Variants in IFRD1 observed in about 807,000 individuals in gnomAD.
IFRD1 encodes the protein interferon-related developmental regulator 1.
Under a neutral mutation model 52.9 loss-of-function variants are expected in IFRD1, and 35 were observed. That is an observed-to-expected ratio of 0.66 (90% CI 0.51 to 0.88). The LOEUF is 0.88. Ranked by LOEUF, IFRD1 falls within the 40% of genes least tolerant of loss-of-function variation. The pLI is 0.00. For synonymous variants in IFRD1, 184 were observed against 188.4 expected (o/e 0.98, Z 0.19); for missense variants, 517 against 550.8 (o/e 0.94, Z 0.61).
chr7:112,462,113 C>G lies in IFRD1; in HGVS notation c.731C>G (p.Ser244Cys), dbSNP rs1346940033. ...STPNTVLHIS[S>C]LLAWTLLLTI... ...CCTAATACAGTGCTTCATATCAGCTCTCTTCTTGCATGGACACTACTGCTG... is the reference window on the plus strand; with the variant it reads ...CCTAATACAGTGCTTCATATCAGCTGTCTTCTTGCATGGACACTACTGCTG... Residue 244 changes from serine to cysteine, a missense_variant, in exon 7 of 12, where the codon TCT (serine) becomes TGT (cysteine). Physicochemically the swap from Ser to Cys is moderately radical, Grantham distance 112 (BLOSUM62 -1). Transcript: ENST00000403825. 6 of 1,613,726 alleles carry G rather than the reference C, an allele frequency of 3.7e-6. No homozygotes were observed. The African/African-American group carries it at 4.0e-5, about 11-fold the overall frequency.
At position 112,472,691 on chromosome 7, in the gene IFRD1, CAG is replaced by C. The variant is rs1181095255; in HGVS notation, c.1171-72_1171-71del. 12 of 941,920 alleles carry C rather than the reference CAG, an allele frequency of 1.3e-5. No individual in the cohort carries two copies. In the Admixed American group the frequency reaches 1.4e-4, roughly 11 times the overall value. 58.3% of individuals were successfully genotyped at this position (941,920 alleles called of 1,614,324 possible). On this transcript the variant is annotated intron_variant, in intron 10 of 11. Transcript: ENST00000403825. ...TGGGTTCCACATAACTTCTGTTAAT[CAG>C]AGTCACTCTGTCTAGTGAAAAAGAG...
At chr7:112,456,814 T>C (rs1795304069) in intron 3 of IFRD1, 100 bp from the exon 4 acceptor site, 1 of 1,122,206 alleles carries the variant, frequency 8.9e-7, no homozygotes, top group Non-Finnish European at 1.3e-6. Flanking sequence ...ATTTAAAAAA[T>C]CTATACATAG....
intron 8 of IFRD1, among the ~76,000 whole-genome samples, chr7:112,463,795 C>CAT (rs1464183223): frequency 6.7e-6 from 1 of 150,108 alleles, no homozygotes; most frequent in Non-Finnish European, 1.5e-5. Context: ...TTTGTATAAA[C>CAT]ATATATATAG....
chr7:112,462,938 G>C (rs943026017), intron 8 of IFRD1, among the ~76,000 whole-genome samples: 6 of 152,148 alleles, frequency 3.9e-5, no homozygotes, highest in African/African-American at 1.4e-4. Context: ...GTGATAGTTT[G>C]ATCAGTCGAC....
At chr7:112,440,768 G>C (rs1285507118) in intron 1 of IFRD1, among the ~76,000 whole-genome samples, 1 of 152,172 alleles carries the variant, frequency 6.6e-6, no homozygotes, top group Non-Finnish European at 1.5e-5. Flanking sequence ...GTGCTAAGGA[G>C]AAACTGTAAA....
At chr7:112,474,893 C>CT (rs1424521552) in intron 11 of IFRD1, among the ~76,000 whole-genome samples, 1 of 151,944 alleles carries the variant, frequency 6.6e-6, no homozygotes. Context: ...TTGAAATCGT[C>CT]TAACTTTCTT....
At chr7:112,460,919 A>G (rs1795418214) in intron 5 of IFRD1, among the ~76,000 whole-genome samples, 2 of 152,280 alleles carry the variant, frequency 1.3e-5, no homozygotes, top group South Asian at 2.1e-4. Context: ...TACAAATTCT[A>G]TTTTTATATG....
chr7:112,458,331 AAAT>A (rs1181689344), intron 4 of IFRD1: 2,614 of 148,244 alleles, frequency 0.018, 69 homozygotes, highest in African/African-American at 0.067. Context: ...AAAAAAAAAA[AAAT>A]AAATAAAGTT....
intron 1 of IFRD1, among the ~76,000 whole-genome samples, chr7:112,429,589 C>T (rs915579529): frequency 6.6e-5 from 10 of 152,186 alleles, no homozygotes; most frequent in African/African-American, 1.9e-4. Context: ...ACAGCTGCTA[C>T]TCTGTGTATG....
intron 1 of IFRD1, chr7:112,435,601 AGC>A (rs1794657108): frequency 4.1e-5 from 3 of 73,284 alleles, no homozygotes. Context: ...TCCAAAACTG[AGC>A]CAGAGGAATC....
chr7:112,448,488 G>A (rs1184017522), upstream of IFRD1, among the ~76,000 whole-genome samples: 14 of 152,202 alleles, frequency 9.2e-5, no homozygotes. Context: ...AAGTTATTGA[G>A]TCTACAATTC....
chr7:112,460,600 C>G (rs190072884), intron 5 of IFRD1, among the ~76,000 whole-genome samples: 257 of 152,116 alleles, frequency 1.7e-3, no homozygotes, highest in Non-Finnish European at 2.6e-3. Context: ...AACGATGTAG[C>G]CTTGCTTCTG....
At chr7:112,446,495 A>C (rs939908787), upstream of IFRD1, 1 of 152,386 alleles carries the variant, frequency 6.6e-6, no homozygotes, top group Non-Finnish European at 1.5e-5. Context: ...CTAGTAGAAG[A>C]GACAAAAAAT....
intron 1 of IFRD1, among the ~76,000 whole-genome samples, chr7:112,431,856 A>G (rs1794554459): frequency 6.6e-6 from 1 of 152,214 alleles, no homozygotes; most frequent in African/African-American, 2.4e-5. Context: ...CAATTCCTAG[A>G]AAGCAAGCAT....
At chr7:112,467,927 A>G in intron 8 of IFRD1, 54 bp from the exon 9 acceptor site, 1 of 1,524,262 alleles carries the variant, frequency 6.6e-7, no homozygotes, top group Non-Finnish European at 9.1e-7. Context: ...GCTCTATATG[A>G]GGTCAGAAAA....
At chr7:112,435,288 A>G (rs1794647657) in intron 1 of IFRD1, among the ~76,000 whole-genome samples, 1 of 152,230 alleles carries the variant, frequency 6.6e-6, no homozygotes, top group Admixed American at 6.5e-5. Flanking sequence ...CATAGTGACC[A>G]TCAAATTGTG....
At chr7:112,460,913 A>G (rs1795418021) in intron 5 of IFRD1, among the ~76,000 whole-genome samples, 1 of 152,192 alleles carries the variant, frequency 6.6e-6, no homozygotes, top group Non-Finnish European at 1.5e-5. Context: ...TCAGATTACA[A>G]ATTCTATTTT....
At chr7:112,461,949 C>A in intron 6 of IFRD1, 33 bp downstream of exon 6, 1 of 1,600,410 alleles carries the variant, frequency 6.2e-7, no homozygotes, top group Non-Finnish European at 8.6e-7. Context: ...TAGTTATCTG[C>A]AGTTATTTCT....
At chr7:112,457,886 C>G (rs1044639312) in intron 4 of IFRD1, 2 of 152,012 alleles carry the variant, frequency 1.3e-5, no homozygotes, top group Non-Finnish European at 2.9e-5. Flanking sequence ...AGCTTTATAT[C>G]CTTATTTTTC....
Sources: gnomAD v4.1 joint callset for allele counts (sites outside exome capture counted in the v4.1 genomes callset) on GRCh38, gnomAD v4.1.1 for gene constraint, MANE v1.5 for transcripts, NCBI Gene and HGNC (gene_info 2026-07-23, HGNC 2026-07-21) for gene names.